CRACD: variants seen among roughly 807,000 people sequenced by gnomAD.
CRACD encodes the protein capping protein-inhibiting regulator of actin dynamics.
Under a neutral mutation model 106.8 loss-of-function variants are expected in CRACD, and 56 were observed. That is an observed-to-expected ratio of 0.52 (90% CI 0.42 to 0.66). The LOEUF is 0.66. CRACD is among the 30% of genes least tolerant of loss of function. CRACD has a pLI of 0.00. For missense variants in CRACD, 1,730 were observed against 1,623.2 expected (o/e 1.07, Z -1.13); for synonymous variants, 754 against 670.8 (o/e 1.12, Z -1.92).
chr4:56,190,790 G>A (rs1737334907), intron 2 of CRACD, among the ~76,000 whole-genome samples: 1 of 152,092 alleles, frequency 6.6e-6, no homozygotes, highest in South Asian at 2.1e-4. Flanking sequence ...AGCTCCACTA[G>A]GCAGTGCCCC....
chr4:56,156,957 T>C (rs1442025062), intron 1 of CRACD, among the ~76,000 whole-genome samples: 1 of 152,226 alleles, frequency 6.6e-6, no homozygotes, highest in Non-Finnish European at 1.5e-5. Context: ...TTCATGACTG[T>C]AACTCAGTGC....
At chr4:56,164,850 A>C (rs1736083584) in intron 1 of CRACD, among the ~76,000 whole-genome samples, 1 of 152,182 alleles carries the variant, frequency 6.6e-6, no homozygotes, top group Admixed American at 6.5e-5. Context: ...TAAATGGAGA[A>C]TCGACCTAAA....
At position 56,104,372 on chromosome 4, in the gene CRACD, C is replaced by T. The variant is rs914550372; in HGVS notation, c.-336+55073C>T. 7.1e-4 allele frequency among the ~76,000 whole-genome samples: 108 copies of T among 151,690 alleles called. 2 individuals carry two copies. Among genetic ancestry groups the T allele is most frequent in the Non-Finnish European group, 2.2e-4 (15 of 67,938 alleles). ...TTGCACCACTGCACTTTAGCCTGGG[C>T]GACAGAGAGAGAGACCCTGTCTCAA... is the stretch of plus-strand genomic sequence containing the variant. On this transcript the variant is annotated intron_variant, in intron 1 of 10. Transcript: ENST00000682029.
intron 2 of CRACD, among the ~76,000 whole-genome samples, chr4:56,239,719 A>G (rs1467005285): frequency 6.6e-6 from 1 of 152,166 alleles, no homozygotes; most frequent in Non-Finnish European, 1.5e-5. Flanking sequence ...AACCTTTGTG[A>G]TAACAAAGTT....
intron 2 of CRACD, among the ~76,000 whole-genome samples, chr4:56,270,750 A>G (rs1484267902): frequency 6.6e-6 from 1 of 152,098 alleles, no homozygotes; most frequent in African/African-American, 2.4e-5. Context: ...GTTAATATTT[A>G]TAAAGTTCTT....
In CRACD at chr4:56,188,717, G is replaced by C. The variant is rs867717829; in HGVS notation, c.-189+9287G>C. 5.2e-3 allele frequency among the ~76,000 whole-genome samples: 752 copies of C among 145,168 alleles called. 3 individuals carry two copies. The highest frequency in any genetic ancestry group is 0.035 in the Middle Eastern group (10 of 286). ...ACACACACACACACACACACAGAGAGAGAGAGAGAGAGAGAGAGGGGTTAA... is the reference window on the plus strand; with the variant it reads ...ACACACACACACACACACACAGAGACAGAGAGAGAGAGAGAGAGGGGTTAA... On this transcript the variant is annotated intron_variant, in intron 2 of 10. Coordinates refer to ENST00000682029, the MANE Select transcript of CRACD (RefSeq NM_001393381.1).
At chr4:56,283,944 A>G (rs1409110581) in intron 3 of CRACD, among the ~76,000 whole-genome samples, 1 of 152,210 alleles carries the variant, frequency 6.6e-6, no homozygotes, top group Non-Finnish European at 1.5e-5. Flanking sequence ...AAGAAGTCTC[A>G]AAAGAAACCT....
chr4:56,111,619 G>A (rs969533232), intron 1 of CRACD, among the ~76,000 whole-genome samples: 1 of 152,196 alleles, frequency 6.6e-6, no homozygotes, highest in African/African-American at 2.4e-5. Context: ...TTGGCTCACT[G>A]CAGCCTCTGC....
intron 1 of CRACD, among the ~76,000 whole-genome samples, chr4:56,147,353 A>G (rs1464141615): frequency 6.6e-6 from 1 of 152,200 alleles, no homozygotes. Flanking sequence ...TATCATCACA[A>G]TCAGTTTTAG....
chr4:56,206,332 CA>C (rs1738120549), intron 2 of CRACD, among the ~76,000 whole-genome samples: 1 of 152,170 alleles, frequency 6.6e-6, no homozygotes, highest in Non-Finnish European at 1.5e-5. Context: ...AATGGCTTGC[CA>C]CTGCATGCGT....
rs1745377863 is a variant in CRACD at position 56,314,412 on chromosome 4, G to A, written c.910G>A (p.Glu304Lys). Residue 304 changes from glutamate to lysine, a missense_variant, in exon 8 of 11, where the codon GAG (glutamate) becomes AAG (lysine). By Grantham distance (56) the Glu-to-Lys change is moderately conservative. This residue lies in a region of CRACD where 1,620 missense variants were observed against 1,481.6 expected (regional missense o/e 1.09). Coordinates refer to ENST00000682029, the MANE Select transcript of CRACD (RefSeq NM_001393381.1). The surrounding 1 kb of genome is among the most constrained non-coding windows in gnomAD (Gnocchi z 4.4). ...SLEAPGWEDA[E>K]RREREERERL... is the part of the protein sequence containing the mutation. ...GGAAGCGCCAGGTTGGGAGGACGCGGAGCGGAGGGAGCGTGAGGAGCGCGA... is the reference window on the plus strand; with the variant it reads ...GGAAGCGCCAGGTTGGGAGGACGCGAAGCGGAGGGAGCGTGAGGAGCGCGA... The A allele has an allele frequency of 6.5e-7, 1 of 1,544,948 alleles. No homozygotes were observed. The highest frequency in any genetic ancestry group is 8.7e-7 in the Non-Finnish European group (1 of 1,144,852).
chr4:56,233,032 A>G (rs1447770717), intron 2 of CRACD, among the ~76,000 whole-genome samples: 1 of 151,912 alleles, frequency 6.6e-6, no homozygotes, highest in African/African-American at 2.4e-5. Flanking sequence ...CTTTCTTAAT[A>G]ACTAGTTTTG....
chr4:56,322,206 A>G (rs1420365966), intron 8 of CRACD, among the ~76,000 whole-genome samples: 1 of 152,208 alleles, frequency 6.6e-6, no homozygotes, highest in African/African-American at 2.4e-5. Context: ...AGTGACCAGG[A>G]TTTGCCAAGA....
intron 1 of CRACD, among the ~76,000 whole-genome samples, chr4:56,085,173 A>T (rs2109812865): frequency 6.6e-6 from 1 of 152,244 alleles, no homozygotes; most frequent in East Asian, 1.9e-4. Context: ...ATTTCAGGAG[A>T]CACTTTAAGA....
At chr4:56,181,401 T>C (rs1286537250) in intron 2 of CRACD, among the ~76,000 whole-genome samples, 1 of 152,132 alleles carries the variant, frequency 6.6e-6, no homozygotes, top group Non-Finnish European at 1.5e-5. Flanking sequence ...CCACAGGAAA[T>C]GATGACACTT....
intron 1 of CRACD, among the ~76,000 whole-genome samples, chr4:56,129,708 A>C (rs1296670328): frequency 6.6e-6 from 1 of 152,192 alleles, no homozygotes; most frequent in African/African-American, 2.4e-5. Context: ...TAGGGATACA[A>C]AGATGGATAA....
intron 2 of CRACD, among the ~76,000 whole-genome samples, chr4:56,271,423 A>T (rs1577836954): frequency 1.3e-5 from 2 of 152,300 alleles, no homozygotes; most frequent in East Asian, 3.9e-4. Context: ...AAAAAGAGAC[A>T]AGGGAAATAA....
chr4:56,182,134 A>T (rs1442572429), intron 2 of CRACD, among the ~76,000 whole-genome samples: 1 of 152,100 alleles, frequency 6.6e-6, no homozygotes, highest in Non-Finnish European at 1.5e-5. Context: ...TAATCCCAGC[A>T]CTTTGGGAGG....
intron 1 of CRACD, among the ~76,000 whole-genome samples, chr4:56,070,426 A>C (rs113993234): frequency 0.026 from 3,968 of 151,960 alleles, 173 homozygotes; most frequent in African/African-American, 0.089. Flanking sequence ...CAGCCTCCCG[A>C]GTAGCTGGGA....
Sources: gnomAD v4.1 joint callset for allele counts (sites outside exome capture counted in the v4.1 genomes callset) on GRCh38, gnomAD v4.1.1 for gene constraint, gnomAD v4.1.1 regional missense constraint, Gnocchi (gnomAD v3.1) non-coding constraint, MANE v1.5 for transcripts, NCBI Gene and HGNC (gene_info 2026-07-23, HGNC 2026-07-21) for gene names.